Variants in SOX5 observed in about 807,000 individuals in gnomAD.
SOX5 encodes the protein transcription factor SOX-5.
SOX5 carries 9 observed loss-of-function variants against 92.0 expected under a neutral mutation model. The observed-to-expected ratio is 0.10, with a 90% CI of 0.06 to 0.17. The LOEUF is 0.17. SOX5 is among the 10% of genes least tolerant of loss of function. The pLI is 1.00. For synonymous variants in SOX5, 344 were observed against 336.3 expected (o/e 1.02, Z -0.25); for missense variants, 642 against 944.5 (o/e 0.68, Z 4.20).
intron 4 of SOX5, among the ~76,000 whole-genome samples, chr12:24,006,760 T>A (rs908563680): frequency 2.6e-5 from 4 of 151,424 alleles, no homozygotes; most frequent in Non-Finnish European, 4.4e-5. Context: ...ATGGCTGTTT[T>A]AAAAAAAAAT....
At chr12:24,035,817 C>T (rs1955977004) in intron 4 of SOX5, among the ~76,000 whole-genome samples, 1 of 152,014 alleles carries the variant, frequency 6.6e-6, no homozygotes, top group African/African-American at 2.4e-5. Flanking sequence ...AATGATTTAA[C>T]TGTACAGTAC....
chr12:23,610,974 T>A (rs1255900924), intron 8 of SOX5, among the ~76,000 whole-genome samples: 2 of 152,322 alleles, frequency 1.3e-5, no homozygotes, highest in Non-Finnish European at 2.9e-5. Flanking sequence ...TTTTGATAAA[T>A]AAATATACAC....
At chr12:23,776,926 C>T (rs2095122481) in intron 3 of SOX5, among the ~76,000 whole-genome samples, 1 of 152,174 alleles carries the variant, frequency 6.6e-6, no homozygotes, top group East Asian at 1.9e-4. Context: ...GCAATATAGC[C>T]TTATTGTCAC....
At chr12:23,886,590 A>C (rs2097069687) in intron 2 of SOX5, among the ~76,000 whole-genome samples, 1 of 152,142 alleles carries the variant, frequency 6.6e-6, no homozygotes, top group Non-Finnish European at 1.5e-5. Flanking sequence ...TGTAATAAAA[A>C]ATAATGACTA....
chr12:24,387,528 A>G (rs78223179), intron 1 of SOX5, among the ~76,000 whole-genome samples: 3,702 of 152,220 alleles, frequency 0.024, 72 homozygotes, highest in East Asian at 0.051. Flanking sequence ...TCAGATGTGC[A>G]TTCCCTGGGG....
chr12:24,307,450 AAAGGAAGGAAGGAAGGAAGGAAGGAAGG>A (rs71063305), intron 2 of SOX5, among the ~76,000 whole-genome samples: 1 of 118,574 alleles, frequency 8.4e-6, no homozygotes, highest in African/African-American at 4.1e-5. Flanking sequence ...GTATAGCTGG[AAAGGAAGGAAGGAAGGAAGGAAGGAAGG>A]AAGGAAGGAA....
At chr12:24,040,088 T>C (rs2136980426) in intron 4 of SOX5, among the ~76,000 whole-genome samples, 1 of 152,298 alleles carries the variant, frequency 6.6e-6, no homozygotes, top group Middle Eastern at 3.4e-3. Flanking sequence ...ATTTCTTTCA[T>C]TGTCCTGGTT....
intron 2 of SOX5, among the ~76,000 whole-genome samples, chr12:23,873,896 T>G (rs920554793): frequency 6.6e-6 from 1 of 152,158 alleles, no homozygotes; most frequent in Non-Finnish European, 1.5e-5. Context: ...AGATAAAAAA[T>G]TTTTCCAATA....
intron 4 of SOX5, among the ~76,000 whole-genome samples, chr12:24,142,166 A>G (rs377030277): frequency 1.3e-5 from 2 of 152,176 alleles, no homozygotes; most frequent in African/African-American, 4.8e-5. Flanking sequence ...AGAAACATCA[A>G]ATCCACAACC....
intron 1 of SOX5, among the ~76,000 whole-genome samples, chr12:24,436,854 C>T (rs186566040): frequency 6.6e-6 from 1 of 152,266 alleles, no homozygotes; most frequent in Non-Finnish European, 1.5e-5. Flanking sequence ...AAGTGAAAGC[C>T]AACGCTTATT....
chr12:23,887,923 G>GTGTGTGTGTGTC (rs1555406725), intron 2 of SOX5, among the ~76,000 whole-genome samples: 1 of 150,498 alleles, frequency 6.6e-6, no homozygotes, highest in Non-Finnish European at 1.5e-5. Flanking sequence ...GTATATGTGT[G>GTGTGTGTGTGTC]TGTGTGTGTG....
chr12:23,835,186 T>G (rs1289204678), intron 3 of SOX5, among the ~76,000 whole-genome samples: 1 of 151,882 alleles, frequency 6.6e-6, no homozygotes, highest in Non-Finnish European at 1.5e-5. Flanking sequence ...TCGGTTGCCT[T>G]CGATTTGTTT....
At chr12:24,249,662 A>C (rs988917361) in intron 3 of SOX5, among the ~76,000 whole-genome samples, 1 of 152,200 alleles carries the variant, frequency 6.6e-6, no homozygotes, top group Admixed American at 6.5e-5. Context: ...CATCACAAAG[A>C]GGGTGAGATC....
chr12:24,015,160 C>T (rs908982273), intron 4 of SOX5, among the ~76,000 whole-genome samples: 1 of 151,782 alleles, frequency 6.6e-6, no homozygotes, highest in African/African-American at 2.4e-5. Context: ...CTGAACTGAG[C>T]CAAGGAAACA....
rs965180660 is a variant in SOX5 at position 23,642,880 on chromosome 12, G to C, written c.932-1983C>G. Among the ~76,000 whole-genome samples, 8 of 112,184 alleles carry C rather than the reference G, an allele frequency of 7.1e-5. 2 individuals carry two copies. The highest frequency in any genetic ancestry group is 1.6e-4 in the Admixed American group (2 of 12,508). The allele number at this position is 112,184 out of a possible 152,430, so 73.6% of individuals were successfully genotyped here. On this transcript the variant is annotated intron_variant, in intron 7 of 14. Transcript: ENST00000451604. ...AGGCGGGCGGATCACGAGGTCAGGAGATCGAGACCATCCCGGCTAAAACGG... is the reference window on the plus strand; with the variant it reads ...AGGCGGGCGGATCACGAGGTCAGGACATCGAGACCATCCCGGCTAAAACGG...
At chr12:23,577,192 T>TATATATATATATA (rs1555172432) in intron 9 of SOX5, among the ~76,000 whole-genome samples, 34 of 58,274 alleles carry the variant, frequency 5.8e-4, no homozygotes, top group African/African-American at 1.9e-3. Flanking sequence ...TATATATATA[T>TATATATATATATA]TTTTTTTTTT....
chr12:23,978,856 A>C (rs1949203848), intron 4 of SOX5, among the ~76,000 whole-genome samples: 1 of 152,184 alleles, frequency 6.6e-6, no homozygotes, highest in Admixed American at 6.5e-5. Context: ...TTTAGACACT[A>C]TCCAGACAAT....
chr12:23,920,622 A>G, intron 1 of SOX5: 1 of 152,212 alleles, frequency 6.6e-6, no homozygotes, highest in Admixed American at 6.5e-5. Context: ...GAGCTAAAAG[A>G]AAACAAGAAT....
intron 7 of SOX5, 24 bp from the exon 8 acceptor site, chr12:23,640,921 G>T (rs766466997): frequency 1.3e-6 from 2 of 1,492,486 alleles, no homozygotes; most frequent in African/African-American, 1.4e-5. Flanking sequence ...TAATAGAGGC[G>T]TCAGCACCTT....
Sources: gnomAD v4.1 joint callset for allele counts (sites outside exome capture counted in the v4.1 genomes callset) on GRCh38, gnomAD v4.1.1 for gene constraint, MANE v1.5 for transcripts, NCBI Gene and HGNC (gene_info 2026-07-23, HGNC 2026-07-21) for gene names.